The following TEX11 variants were observed in gnomAD, a reference collection of about 807,000 sequenced individuals.
TEX11 encodes the protein testis-expressed protein 11.
A neutral mutation model predicts 84.4 loss-of-function variants in TEX11; 7 were observed. The observed-to-expected ratio is 0.08, with a 90% CI of 0.05 to 0.16. The LOEUF is 0.16. Ranked by LOEUF, TEX11 falls within the 10% of genes least tolerant of loss-of-function variation. The pLI is 1.00. For synonymous variants in TEX11, 264 were observed against 222.8 expected, an observed-to-expected ratio of 1.18 and a Z score of -1.64; for missense variants, 551 against 660.5, an observed-to-expected ratio of 0.83 and a Z score of 1.82.
In TEX11 at chrX:70,722,606, T is replaced by C; in HGVS notation, c.1004+12A>G. On this transcript the variant is annotated intron_variant, in intron 13 of 29. Coordinates refer to ENST00000374333, the MANE Select transcript of TEX11 (RefSeq NM_031276.3). ...CTGTCAGTCTTTAGAGAAAGGGAAA[T>C]CAATTCTGTACCTTTCATGATCCAT... The C allele has an allele frequency of 8.4e-7, 1 of 1,193,632 alleles. No individual in the cohort carries two copies. The highest frequency in any genetic ancestry group is 1.1e-6 in the Non-Finnish European group (1 of 881,699).
intron 8 of TEX11, among the ~76,000 whole-genome samples, chrX:70,817,252 T>TACACAC (rs764022161): frequency 3.7e-3 from 349 of 95,179 alleles, no homozygotes; most frequent in Middle Eastern, 0.017. Flanking sequence ...CACATATATA[T>TACACAC]ATACACACAC....
chrX:70,660,628 A>C (rs2089915514), intron 16 of TEX11, among the ~76,000 whole-genome samples: 1 of 112,414 alleles, frequency 8.9e-6, no homozygotes, highest in Non-Finnish European at 1.9e-5. Flanking sequence ...AATAACATGC[A>C]TGGAGCTGTC....
At chrX:70,642,232 C>A (rs2089670024) in intron 17 of TEX11, among the ~76,000 whole-genome samples, 1 of 111,871 alleles carries the variant, frequency 8.9e-6, no homozygotes, top group South Asian at 3.8e-4. Context: ...GAAGTTGAAT[C>A]TCTGAATAGA....
chrX:70,810,938 C>T (rs1390414581), intron 8 of TEX11, among the ~76,000 whole-genome samples: 1 of 111,664 alleles, frequency 9.0e-6, no homozygotes, highest in Non-Finnish European at 1.9e-5. Context: ...CCAAGCTTTC[C>T]ATATACCGTA....
At chrX:70,761,576 C>T (rs982079824) in intron 9 of TEX11, among the ~76,000 whole-genome samples, 1 of 111,821 alleles carries the variant, frequency 8.9e-6, no homozygotes, top group Non-Finnish European at 1.9e-5. Flanking sequence ...CACATGGACA[C>T]AGGGTGGGGA....
downstream of TEX11, among the ~76,000 whole-genome samples, chrX:70,524,995 G>A (rs926600152): frequency 3.6e-5 from 4 of 111,272 alleles, no homozygotes; most frequent in Non-Finnish European, 7.5e-5. Context: ...ACAACATAGT[G>A]AGACCTCATC....
intron 9 of TEX11, among the ~76,000 whole-genome samples, chrX:70,798,013 A>G (rs2091165326): frequency 1.4e-5 from 1 of 69,175 alleles, no homozygotes; most frequent in Non-Finnish European, 2.9e-5. Context: ...AGCCAGAGCA[A>G]TTAGGCAAGA....
At chrX:70,672,918 C>A in intron 15 of TEX11, 1 of 118,033 alleles carries the variant, frequency 8.5e-6, no homozygotes, top group Non-Finnish European at 1.8e-5. Context: ...GGTTGGTGGG[C>A]AGCACCCACA....
intron 18 of TEX11, 50 bp from the exon 19 acceptor site, chrX:70,624,974 C>A (rs1353616460): frequency 2.3e-6 from 2 of 873,585 alleles, no homozygotes; most frequent in Non-Finnish European, 3.3e-6. Flanking sequence ...AGTGATACTG[C>A]AAAATATTAT....
intron 8 of TEX11, among the ~76,000 whole-genome samples, chrX:70,810,790 T>TAA (rs761224920): frequency 9.7e-6 from 1 of 102,587 alleles, no homozygotes; most frequent in Admixed American, 1.1e-4. Context: ...CTTAAAGTAT[T>TAA]AAAAAAAAAA....
At chrX:70,852,135 A>T (rs1042862311) in intron 7 of TEX11, among the ~76,000 whole-genome samples, 1 of 112,189 alleles carries the variant, frequency 8.9e-6, no homozygotes, top group South Asian at 3.7e-4. Flanking sequence ...TATATGAATT[A>T]TATCTCAGTA....
At chrX:70,716,056 C>T (rs2090497610) in intron 13 of TEX11, among the ~76,000 whole-genome samples, 4 of 109,728 alleles carry the variant, frequency 3.6e-5, no homozygotes, top group Admixed American at 3.0e-4. Context: ...CAGAGGTCCA[C>T]TCCAGACCCT....
intron 9 of TEX11, among the ~76,000 whole-genome samples, chrX:70,780,711 A>G (rs1013610350): frequency 2.7e-5 from 3 of 112,614 alleles, no homozygotes; most frequent in Admixed American, 9.4e-5. Context: ...CTGCTAGCGC[A>G]TCAGTTTGAG....
At chrX:70,584,269 G>A (rs1484499522) in intron 25 of TEX11, among the ~76,000 whole-genome samples, 2 of 97,821 alleles carry the variant, frequency 2.0e-5, no homozygotes, top group Admixed American at 1.1e-4. Context: ...TGGCCTGGGC[G>A]ACAGAGCGAG....
intron 10 of TEX11, 57 bp from the exon 11 acceptor site, chrX:70,740,853 A>G: frequency 1.3e-6 from 1 of 748,916 alleles, no homozygotes; most frequent in Admixed American, 3.3e-5. Flanking sequence ...CTTCAATACA[A>G]CAGCTGACTA....
At chrX:70,607,090 G>T in intron 22 of TEX11, 61 bp from the exon 23 acceptor site, 1 of 882,780 alleles carries the variant, frequency 1.1e-6, no homozygotes, top group Non-Finnish European at 1.6e-6. Context: ...CATTTAGTCT[G>T]TACCATTACA....
intron 2 of TEX11, among the ~76,000 whole-genome samples, chrX:70,890,847 A>T (rs2091733923): frequency 8.9e-6 from 1 of 112,189 alleles, no homozygotes; most frequent in Non-Finnish European, 1.9e-5. Context: ...CTCTGAAGAG[A>T]GCAGTGGTTC....
At chrX:70,869,561 C>T (rs1420278426) in intron 4 of TEX11, among the ~76,000 whole-genome samples, 2 of 111,822 alleles carry the variant, frequency 1.8e-5, no homozygotes, top group Non-Finnish European at 3.8e-5. Context: ...AAAAATATTA[C>T]TCCCTTGGAG....
chrX:70,577,982 C>T (rs1405139020), intron 25 of TEX11, among the ~76,000 whole-genome samples: 5 of 111,252 alleles, frequency 4.5e-5, no homozygotes, highest in African/African-American at 1.6e-4. Context: ...CCTGCCTTGG[C>T]CTCCCAAAGT....
Sources: allele counts gnomAD v4.1 joint callset (sites outside exome capture counted in the v4.1 genomes callset), GRCh38; gene constraint gnomAD v4.1.1; transcripts MANE v1.5; gene names NCBI Gene and HGNC (gene_info 2026-07-23, HGNC 2026-07-21).